The following GRM4 variants were observed in gnomAD, a reference collection of about 807,000 sequenced individuals.
GRM4 encodes glutamate metabotropic receptor 4.
Under a neutral mutation model 81.7 loss-of-function variants are expected in GRM4, and 28 were observed. The observed-to-expected ratio is 0.34, with a 90% confidence interval of 0.25 to 0.47. The LOEUF (loss-of-function observed/expected upper bound fraction) is 0.47, where lower values mean the gene tolerates loss of function less well. Ranked by LOEUF, GRM4 falls within the 20% of genes least tolerant of loss-of-function variation. The pLI is 1.00. For synonymous variants in GRM4, 488 were observed against 528.8 expected, an observed-to-expected ratio of 0.92 and a Z score of 1.06; for missense variants, 948 against 1,290.0, an observed-to-expected ratio of 0.73 and a Z score of 4.06.
intron 6 of GRM4, among the ~76,000 whole-genome samples, chr6:34,049,248 T>C (rs890704947): frequency 1.3e-5 from 2 of 152,064 alleles, no homozygotes; most frequent in Admixed American, 1.3e-4. Context: ...GGTGGCTAAA[T>C]ACAATGGCCC....
Position 34,049,344 on chromosome 6 carries a change from G to A in GRM4, c.1168+7200C>T, listed in dbSNP as rs1024143504. Among the ~76,000 whole-genome samples, 7 of 151,950 alleles carry A rather than the reference G, an allele frequency of 4.6e-5. No homozygotes were observed. In the East Asian group the frequency reaches 9.7e-4, roughly 21 times the overall value. The stretch of plus-strand genomic sequence containing the variant: ...CTCCAGTCCTCTCTTTATCGCCGCC[G>A]GGACACCACGCTCTGGGCCCTGCTG... On this transcript the variant is annotated intron_variant, in intron 6 of 10. Transcript: ENST00000538487.
rs1349416275 is a variant in GRM4 at position 34,073,477 on chromosome 6, ACAGT to A, written c.737-11453_737-11450del. ...GAAACACATCCACACATCACCATAC[ACAGT>A]CAGATACGCACCACACACAAATACA... On this transcript the variant is annotated intron_variant, in intron 3 of 10. Coordinates refer to ENST00000538487, the MANE Select transcript of GRM4 (RefSeq NM_000841.4). Among the ~76,000 whole-genome samples the A allele has an allele frequency of 4.6e-5, 7 of 151,144 alleles. No homozygotes were observed. In the East Asian group the frequency reaches 1.2e-3, roughly 25 times the overall value.
chr6:34,139,150 C>T (rs1240245090), intron 1 of GRM4, among the ~76,000 whole-genome samples: 1 of 152,214 alleles, frequency 6.6e-6, no homozygotes, highest in South Asian at 2.1e-4. Context: ...CCTTTCCTTC[C>T]CCCGTGAGCT....
Position 34,064,908 on chromosome 6 carries a change from C to T in GRM4, c.737-2880G>A, listed in dbSNP as rs1766378276. Among the ~76,000 whole-genome samples, 1 of 152,156 alleles carries T rather than the reference C, an allele frequency of 6.6e-6. No homozygotes were observed. Among genetic ancestry groups the T allele is most frequent in the South Asian group, 2.1e-4 (1 of 4,828 alleles). On this transcript the variant is annotated intron_variant, in intron 3 of 10. Transcript: ENST00000538487. This position sits in a 1 kb window ranked among gnomAD's most constrained non-coding sequence, Gnocchi z 4.4. ...GGCTCAGGTTGCTAAATAGCCTAAC[C>T]AAGGTCACACAGCCAGTCAGTGGGA...
intron 3 of GRM4, among the ~76,000 whole-genome samples, chr6:34,065,118 TACATGTGTGCAC>T (rs1331313906): frequency 1.3e-5 from 2 of 152,138 alleles, no homozygotes; most frequent in Non-Finnish European, 2.9e-5. Flanking sequence ...TGGGTTCATG[TACATGTGTGCAC>T]ACATGTGTCC....
intron 6 of GRM4, among the ~76,000 whole-genome samples, chr6:34,044,011 G>A (rs554573085): frequency 2.6e-4 from 40 of 151,966 alleles, no homozygotes; most frequent in African/African-American, 6.8e-4. Context: ...ACCAGACCAG[G>A]AGGATGCCCA....
rs1330799223 is a variant in GRM4, at chr6:34,068,622, C to A, written c.737-6594G>T. Among the ~76,000 whole-genome samples the A allele has an allele frequency of 6.6e-6, 1 of 152,238 alleles. No homozygotes were observed. Among genetic ancestry groups the A allele is most frequent in the East Asian group, 1.9e-4 (1 of 5,186 alleles). ...ACCTGCCTTCAAAGACCCATCCCCC[C>A]GCACCACCACTTGTGGGATGTGCCT... On this transcript the variant is annotated intron_variant, in intron 3 of 10. Transcript: ENST00000538487. The surrounding 1 kb of genome is among the most constrained non-coding windows in gnomAD (Gnocchi z 4.2).
chr6:34,056,438 C>CCGGACAGACGACACGTCTGCCA, intron 6 of GRM4, 106 bp downstream of exon 6: 1 of 1,059,908 alleles, frequency 9.4e-7, no homozygotes, highest in Non-Finnish European at 1.4e-6. Flanking sequence ...CCTGCCACGG[C>CCGGACAGACGACACGTCTGCCA]CGGCCGACGA....
chr6:34,091,919 C>T lies in GRM4; in HGVS notation c.700G>A (p.Gly234Ser), dbSNP rs776254825. 4.3e-6 allele frequency: 7 copies of T among 1,613,970 alleles called. No homozygotes were observed. Among genetic ancestry groups the T allele is most frequent in the Non-Finnish European group, 5.1e-6 (6 of 1,179,894 alleles). The stretch of plus-strand genomic sequence containing the variant: ...GACTTCTGGATGAAGGCCTCCACAC[C>T]GCTCTCACCATAGCTGCCCTCCGAG... Reference protein sequence around the residue: ...VASEGSYGESGVEAFIQKSRE... With the variant: ...VASEGSYGESSVEAFIQKSRE... The change falls in exon 3 of 11, where the codon GGT becomes AGT. Residue 234 changes from glycine (G) to serine (S), a missense_variant. Transcript: ENST00000538487.
chr6:34,042,376 C>T lies in GRM4; in HGVS notation c.1169-1628G>A, dbSNP rs545062155. On this transcript the variant is annotated intron_variant, in intron 6 of 10. Coordinates refer to ENST00000538487, the MANE Select transcript of GRM4 (RefSeq NM_000841.4). This position sits in a 1 kb window ranked among gnomAD's most constrained non-coding sequence, Gnocchi z 4.2. ...TCCAACCCTGAGCACCACACTCTGC[C>T]ACACAGGGATGCAGGTGGGCAGGAA... is the stretch of plus-strand genomic sequence containing the variant. 6.6e-6 allele frequency among the ~76,000 whole-genome samples: 1 copy of T among 152,304 alleles called. No individual in the cohort carries two copies. The highest frequency in any genetic ancestry group is 2.4e-5 in the African/African-American group (1 of 41,564).
chr6:34,025,510 G>A (rs1012754768), intron 10 of GRM4, among the ~76,000 whole-genome samples: 1 of 152,200 alleles, frequency 6.6e-6, no homozygotes, highest in African/African-American at 2.4e-5. Flanking sequence ...AAGGACCACA[G>A]GGCCTCTGCT....
Position 34,133,379 on chromosome 6 carries a change from T to C in GRM4, c.118A>G (p.Met40Val). ...SLGKPKGHPH[M>V]NSIRIDGDIT... ...TCCCCATCTATGCGGATGGAATTCA[T>C]GTGAGGGTGGCCTTTGGGCTTTCCC... The change falls in exon 2 of 11, where the codon ATG becomes GTG. Residue 40 changes from methionine (M) to valine (V), a missense_variant. Met to Val is a conservative substitution (Grantham distance 21). Coordinates refer to ENST00000538487, the MANE Select transcript of GRM4 (RefSeq NM_000841.4). The surrounding 1 kb of genome is among the most constrained non-coding windows in gnomAD (Gnocchi z 6.5). The C allele has an allele frequency of 6.2e-7, 1 of 1,613,838 alleles. No homozygotes were observed. The highest frequency in any genetic ancestry group is 1.1e-5 in the South Asian group (1 of 91,076).
intron 2 of GRM4, among the ~76,000 whole-genome samples, chr6:34,104,792 G>A (rs891870697): frequency 3.3e-5 from 5 of 152,142 alleles, no homozygotes; most frequent in Non-Finnish European, 5.9e-5. Context: ...TGTTCAATGG[G>A]GGCTTAATTA....
chr6:34,085,063 T>G (rs1046020527), intron 3 of GRM4, among the ~76,000 whole-genome samples: 2 of 152,204 alleles, frequency 1.3e-5, no homozygotes, highest in Admixed American at 6.5e-5. Context: ...AGCCTGTCTC[T>G]GTCTCACGCT....
chr6:34,091,713 G>A (rs186381249), intron 3 of GRM4, 170 bp downstream of exon 3: 79 of 602,194 alleles, frequency 1.3e-4, no homozygotes, highest in African/African-American at 1.3e-3. Flanking sequence ...AGAGCCCAGT[G>A]AGGCCATGGA....
intron 2 of GRM4, among the ~76,000 whole-genome samples, chr6:34,098,425 C>G (rs565960561): frequency 3.0e-4 from 46 of 152,354 alleles, no homozygotes; most frequent in African/African-American, 1.1e-3. Flanking sequence ...TCTGCTCTTT[C>G]TGTTCCACCC....
At chr6:34,100,360 G>A (rs964423488) in intron 2 of GRM4, among the ~76,000 whole-genome samples, 1 of 152,166 alleles carries the variant, frequency 6.6e-6, no homozygotes, top group African/African-American at 2.4e-5. Context: ...ATCACACCGT[G>A]ATCTGCAGTT....
intron 3 of GRM4, among the ~76,000 whole-genome samples, chr6:34,073,141 A>ACC (rs1474447323): frequency 3.6e-5 from 3 of 84,458 alleles, no homozygotes; most frequent in African/African-American, 7.8e-5. Flanking sequence ...ACACACACAC[A>ACC]CACACATCAC....
At position 34,022,740 on chromosome 6, in the gene GRM4, G is replaced by T; in HGVS notation, c.*81C>A. ...TGCCCACGGGCAGGCAAGACAGCTG[G>T]GCCCTTGGGTGTGGCCCTGGCCCGA... On this transcript the variant is annotated 3_prime_UTR_variant, in exon 11 of 11. Coordinates refer to ENST00000538487, the MANE Select transcript of GRM4 (RefSeq NM_000841.4). This position sits in a 1 kb window ranked among gnomAD's most constrained non-coding sequence, Gnocchi z 5.6. The T allele has an allele frequency of 1.6e-6, 2 of 1,260,360 alleles. No individual in the cohort carries two copies. Among genetic ancestry groups the T allele is most frequent in the Non-Finnish European group, 1.2e-6 (1 of 859,986 alleles). 78.1% of individuals were successfully genotyped at this position (1,260,360 alleles called of 1,614,324 possible).
Sources: allele counts gnomAD v4.1 joint callset (sites outside exome capture counted in the v4.1 genomes callset), GRCh38; gene constraint gnomAD v4.1.1; non-coding constraint Gnocchi (gnomAD v3.1); transcripts MANE v1.5; gene names NCBI Gene and HGNC (gene_info 2026-07-23, HGNC 2026-07-21).